The following SLC67A1 variants were observed in gnomAD, a reference collection of about 807,000 sequenced individuals.
SLC67A1 encodes solute carrier family 67 member A1.
chr11:2,920,625 T>C, the SLC67A1 span: 1 of 152,324 alleles, frequency 6.6e-6, no homozygotes, highest in Non-Finnish European at 1.5e-5. Flanking sequence ...GGGTGAGGCA[T>C]GGGGACCCCG....
At chr11:2,917,686 G>A in the SLC67A1 span, among the ~76,000 whole-genome samples, 4 of 152,216 alleles carry the variant, frequency 2.6e-5, no homozygotes, top group African/African-American at 9.6e-5. Context: ...GCAGGCCTCC[G>A]CCACTGCATG....
chr11:2,909,253 G>A, the SLC67A1 span: 3 of 1,538,682 alleles, frequency 1.9e-6, no homozygotes, highest in Non-Finnish European at 2.6e-6. Flanking sequence ...TGGCTGCCTT[G>A]GCGCTCTACC....
At chr11:2,902,275 G>A in the SLC67A1 span, 1 of 152,276 alleles carries the variant, frequency 6.6e-6, no homozygotes, top group Admixed American at 6.5e-5. Flanking sequence ...GGGCGGGGCC[G>A]GGGCTCATCC....
chr11:2,917,237 G>T, the SLC67A1 span, among the ~76,000 whole-genome samples: 12 of 152,332 alleles, frequency 7.9e-5, no homozygotes, highest in African/African-American at 1.2e-4. Flanking sequence ...CTCAAGGCTG[G>T]CCCCCTGCTG....
the SLC67A1 span, chr11:2,916,337 C>A: frequency 1.3e-5 from 5 of 398,526 alleles, no homozygotes; most frequent in Admixed American, 4.4e-5. Flanking sequence ...CTGCCCCAGG[C>A]GCTCACCAGC....
the SLC67A1 span, chr11:2,916,633 C>A: frequency 6.2e-7 from 1 of 1,611,926 alleles, no homozygotes; most frequent in Non-Finnish European, 8.5e-7. Flanking sequence ...ATTCAGTGCC[C>A]GGCCATCCTG....
the SLC67A1 span, chr11:2,909,886 G>A: frequency 6.0e-6 from 4 of 667,240 alleles, no homozygotes; most frequent in Admixed American, 7.6e-5. Flanking sequence ...GACCTCCCGG[G>A]CTGGCTGGCC....
chr11:2,922,399 G>A, the SLC67A1 span: 1 of 1,601,822 alleles, frequency 6.2e-7, no homozygotes, highest in South Asian at 1.1e-5. Flanking sequence ...GGTCCCGTGA[G>A]GCCCCCACTC....
the SLC67A1 span, chr11:2,903,275 G>T: frequency 6.4e-7 from 1 of 1,574,658 alleles, no homozygotes; most frequent in Admixed American, 1.7e-5. Context: ...GGATCAACTG[G>T]ACTTTTGCCC....
chr11:2,900,918 T>C, the SLC67A1 span, among the ~76,000 whole-genome samples: 1 of 152,156 alleles, frequency 6.6e-6, no homozygotes, highest in South Asian at 2.1e-4. Context: ...CCTCCTGGAA[T>C]GGGGTCTTAT....
the SLC67A1 span, chr11:2,916,442 A>G: frequency 3.9e-5 from 22 of 563,736 alleles, 1 homozygote; most frequent in South Asian, 1.8e-4. Flanking sequence ...TCCTTCATCC[A>G]TCACCTAATA....
the SLC67A1 span, among the ~76,000 whole-genome samples, chr11:2,911,753 G>T: frequency 4.7e-4 from 72 of 152,282 alleles, 1 homozygote; most frequent in South Asian, 0.014. Flanking sequence ...TGGTGCTGGA[G>T]CAGCTCAGCA....
the SLC67A1 span, chr11:2,909,809 C>G: frequency 7.7e-7 from 1 of 1,296,950 alleles, no homozygotes; most frequent in South Asian, 1.6e-5. Flanking sequence ...CTCTTTTGCT[C>G]GTGGGGCGCG....
the SLC67A1 span, chr11:2,919,371 T>C: frequency 6.2e-7 from 1 of 1,613,862 alleles, no homozygotes. Flanking sequence ...CCGCCCAAGC[T>C]GGCTACCTCA....
the SLC67A1 span, chr11:2,915,077 G>C: frequency 3.0e-6 from 3 of 985,340 alleles, no homozygotes; most frequent in South Asian, 9.4e-5. Context: ...ATTGGCGGGG[G>C]CAGCAGCACA....
the SLC67A1 span, chr11:2,916,995 C>CTAGGAGGGGAGGCCTAGACAGGGAAG: frequency 1.9e-6 from 1 of 536,954 alleles, no homozygotes; most frequent in Non-Finnish European, 3.4e-6. Flanking sequence ...ACAGGGAAGG[C>CTAGGAGGGGAGGCCTAGACAGGGAAG]GTTAGGAGGG....
At chr11:2,918,538 C>T in the SLC67A1 span, among the ~76,000 whole-genome samples, 5 of 152,230 alleles carry the variant, frequency 3.3e-5, no homozygotes, top group Non-Finnish European at 5.9e-5. Flanking sequence ...CAGCCCTGTC[C>T]CTCAGAAGCC....
chr11:2,909,782 C>T, the SLC67A1 span: 249 of 1,370,842 alleles, frequency 1.8e-4, 1 homozygote, highest in East Asian at 6.7e-3. Context: ...GCCCCGCCTC[C>T]TCTTGGCCTC....
chr11:2,919,108 GGCACTTTCCACACCAGGGATAC>G, the SLC67A1 span: 1 of 353,674 alleles, frequency 2.8e-6, no homozygotes, highest in Admixed American at 5.4e-5. Flanking sequence ...CCACACGAGA[GGCACTTTCCACACCAGGGATAC>G]GGCAGAATCC....
Sources: allele counts gnomAD v4.1 joint callset (sites outside exome capture counted in the v4.1 genomes callset), GRCh38; gene constraint gnomAD v4.1.1; transcripts MANE v1.5; gene names NCBI Gene and HGNC (gene_info 2026-07-23, HGNC 2026-07-21).